MROH2A: variants seen among roughly 807,000 people sequenced by gnomAD.
The protein encoded by MROH2A is maestro heat like repeat family member 2A.
Under a neutral mutation model 200.4 loss-of-function variants are expected in MROH2A, and 174 were observed. That is an observed-to-expected ratio of 0.87 (90% CI 0.77 to 0.98). The LOEUF (loss-of-function observed/expected upper bound fraction) is 0.98. MROH2A is among the 50% of genes least tolerant of loss of function. MROH2A has a pLI of 0.00. For missense variants in MROH2A, 2,045 were observed against 2,139.6 expected (o/e 0.96, Z 0.87); for synonymous variants, 829 against 840.4 (o/e 0.99, Z 0.23).
At chr2:233,782,852 T>C (rs1014535894) in intron 3 of MROH2A, among the ~76,000 whole-genome samples, 2 of 152,250 alleles carry the variant, frequency 1.3e-5, no homozygotes, top group Admixed American at 6.5e-5. Context: ...TGTGGGTTTG[T>C]CATATATGGC....
chr2:233,824,335 A>C (rs1704161827), intron 35 of MROH2A, among the ~76,000 whole-genome samples: 1 of 152,252 alleles, frequency 6.6e-6, no homozygotes, highest in Non-Finnish European at 1.5e-5. Context: ...AAATGGGAAA[A>C]TGAGTTTTGG....
At chr2:233,810,459 A>G (rs903078581) in intron 22 of MROH2A, among the ~76,000 whole-genome samples, 3 of 152,244 alleles carry the variant, frequency 2.0e-5, no homozygotes, top group Admixed American at 6.5e-5. Flanking sequence ...CCATGATTCA[A>G]TTACCACCCG....
At chr2:233,814,754 G>T (rs1703402173) in intron 26 of MROH2A, 77 bp downstream of exon 26, 2 of 942,318 alleles carry the variant, frequency 2.1e-6, no homozygotes, top group Non-Finnish European at 3.2e-6. Context: ...CAGACTCTGG[G>T]GAACAGGGGA....
rs989132404 is a variant in MROH2A at position 233,820,251 on chromosome 2, T to C, written c.3512+195T>C. Among the ~76,000 whole-genome samples the C allele has an allele frequency of 6.6e-6, 1 of 152,154 alleles. No individual in the cohort carries two copies. The highest frequency in any genetic ancestry group is 1.5e-5 in the Non-Finnish European group (1 of 68,038). ...GAGCCACTGACAGAGCCCAGGCTTG[T>C]AGAACTTCGCCACATGGAGCTGGAA... On this transcript the variant is annotated intron_variant, in intron 31 of 41. Transcript: ENST00000389758. The surrounding 1 kb of genome is among the most constrained non-coding windows in gnomAD (Gnocchi z 4.1).
chr2:233,829,665 C>T lies in MROH2A; in HGVS notation c.4492C>T (p.Leu1498=). 1 of 1,486,474 alleles carries T rather than the reference C, an allele frequency of 6.7e-7. No individual in the cohort carries two copies. The highest frequency in any genetic ancestry group is 9.0e-7 in the Non-Finnish European group (1 of 1,115,868). The allele number at this position is 1,486,474 out of a possible 1,614,324, so 92.1% of individuals were successfully genotyped here. A position where few individuals can be genotyped will look rare whatever the true frequency, so the allele number is the denominator to read the frequency against. The change falls in exon 38 of 42, where the codon CTG becomes TTG. Residue 1498 remains leucine (L), a synonymous_variant. Transcript: ENST00000389758. Reference sequence around the variant, plus strand: ...GAAAGCCTTCATCCTCTTTGGAAAGCTGGCAAGGGTGGTCGGGATGTCCAA... The same window carrying T: ...GAAAGCCTTCATCCTCTTTGGAAAGTTGGCAAGGGTGGTCGGGATGTCCAA... The part of the protein sequence containing the change: ...RLKAFILFGK[L]ARVVGMSKKH...
chr2:233,795,838 G>T, intron 9 of MROH2A, 93 bp downstream of exon 9: 3 of 1,546,562 alleles, frequency 1.9e-6, no homozygotes, highest in Non-Finnish European at 1.7e-6. Flanking sequence ...CAACTCACTC[G>T]CGTGCTTCCT....
Position 233,832,168 on chromosome 2 carries a change from T to G in MROH2A, c.4735-9T>G. 1 of 1,550,180 alleles carries G rather than the reference T, an allele frequency of 6.5e-7. No individual in the cohort carries two copies. The stretch of plus-strand genomic sequence containing the variant: ...CTCCAAAGCTGTGTGTATCACTTAC[T>G]TTTTGCAGACTCGGAAAAAGCCGGC... On this transcript the variant is annotated splice_polypyrimidine_tract_variant and intron_variant, in intron 39 of 41. Coordinates refer to ENST00000389758, the MANE Select transcript of MROH2A (RefSeq NM_001394639.1).
chr2:233,822,304 C>T (rs992275448), intron 32 of MROH2A, 21 bp downstream of exon 32: 10 of 1,548,096 alleles, frequency 6.5e-6, no homozygotes, highest in African/African-American at 1.4e-5. Context: ...GGCGCAGGCC[C>T]CAAGGCTCCT....
intron 27 of MROH2A, 96 bp from the exon 28 acceptor site, chr2:233,817,906 T>C (rs1056431019): frequency 6.9e-7 from 1 of 1,441,928 alleles, no homozygotes; most frequent in Non-Finnish European, 9.4e-7. Context: ...CAGAGCAGGG[T>C]TTGCCCTATC....
At chr2:233,793,567 C>A in intron 6 of MROH2A, 106 bp from the exon 7 acceptor site, 1 of 1,131,782 alleles carries the variant, frequency 8.8e-7, no homozygotes, top group Non-Finnish European at 1.2e-6. Context: ...AGCCTGCTCG[C>A]TACGGCAAGG....
At chr2:233,798,368 G>A (rs1702248507) in intron 11 of MROH2A, among the ~76,000 whole-genome samples, 1 of 152,186 alleles carries the variant, frequency 6.6e-6, no homozygotes, top group Non-Finnish European at 1.5e-5. Context: ...CTGGGATGTG[G>A]TGGAGCCAGG....
chr2:233,790,961 T>C (rs1037723556), intron 5 of MROH2A, among the ~76,000 whole-genome samples: 13 of 152,174 alleles, frequency 8.5e-5, no homozygotes, highest in African/African-American at 3.1e-4. Context: ...GGTAGCGATA[T>C]TTCAGCTAAG....
chr2:233,805,392 T>C (rs989622079), intron 19 of MROH2A, among the ~76,000 whole-genome samples: 1 of 152,260 alleles, frequency 6.6e-6, no homozygotes, highest in Non-Finnish European at 1.5e-5. Flanking sequence ...CTAAAACATT[T>C]TTGAAAGAAA....
chr2:233,822,085 C>A (rs1242705365), intron 31 of MROH2A, 39 bp from the exon 32 acceptor site: 2 of 1,528,602 alleles, frequency 1.3e-6, no homozygotes, highest in Non-Finnish European at 1.8e-6. Flanking sequence ...AGGGCACATG[C>A]CAGGAAACTC....
intron 17 of MROH2A, 76 bp from the exon 18 acceptor site, chr2:233,804,419 T>G: frequency 6.7e-7 from 1 of 1,486,578 alleles, no homozygotes; most frequent in Non-Finnish European, 9.2e-7. Context: ...TAAGGAGGCA[T>G]AGAGGGCCTT....
chr2:233,821,829 C>T (rs966358374), intron 31 of MROH2A, among the ~76,000 whole-genome samples: 1 of 151,968 alleles, frequency 6.6e-6, no homozygotes, highest in African/African-American at 2.4e-5. Flanking sequence ...CATGTCCGTA[C>T]AGTCATCAAA....
Position 233,818,026 on chromosome 2 carries a change from G to A in MROH2A, c.2986G>A (p.Gly996Ser). ...GATCCACCTAAAGCTGGGGCAGTTT[G>A]GCACAATGGTCGGACTCATTGCCCC... ...VCIHLKLGQF[G>S]TMVGLIAPCT... is the part of the protein sequence containing the mutation. The change falls in exon 28 of 42, where the codon GGC becomes AGC. Residue 996 changes from glycine to serine, a missense_variant. Physicochemically the swap from Gly to Ser is moderately conservative, Grantham distance 56 (BLOSUM62 0). Coordinates refer to ENST00000389758, the MANE Select transcript of MROH2A (RefSeq NM_001394639.1). The A allele has an allele frequency of 6.4e-7, 1 of 1,550,978 alleles. No homozygotes were observed. Among genetic ancestry groups the A allele is most frequent in the Middle Eastern group, 1.7e-4 (1 of 5,996 alleles).
chr2:233,792,791 C>G lies in MROH2A; in HGVS notation c.572-5C>G. On this transcript the variant is annotated splice_region_variant and splice_polypyrimidine_tract_variant and intron_variant, in intron 5 of 41. Coordinates refer to ENST00000389758, the MANE Select transcript of MROH2A (RefSeq NM_001394639.1). Reference sequence around the variant, plus strand: ...TTCCTGTAATCATCCCTCACAACCTCACAGTGTTTGAGTTCATGCCATACA... The same window carrying G: ...TTCCTGTAATCATCCCTCACAACCTGACAGTGTTTGAGTTCATGCCATACA... 2 of 1,519,178 alleles carry G rather than the reference C, an allele frequency of 1.3e-6. No homozygotes were observed. Among genetic ancestry groups the G allele is most frequent in the South Asian group, 2.4e-5 (2 of 83,422 alleles). The allele number at this position is 1,519,178 out of a possible 1,614,324, so 94.1% of individuals were successfully genotyped here. A position where few individuals can be genotyped will look rare whatever the true frequency, so the allele number is the denominator to read the frequency against.
intron 34 of MROH2A, 46 bp downstream of exon 34, chr2:233,823,064 C>G: frequency 6.5e-7 from 1 of 1,544,220 alleles, no homozygotes; most frequent in Non-Finnish European, 8.7e-7. Context: ...TGCAGAGGCA[C>G]CTCCTTGCTG....
Sources: gnomAD v4.1 joint callset for allele counts (sites outside exome capture counted in the v4.1 genomes callset) on GRCh38, gnomAD v4.1.1 for gene constraint, Gnocchi (gnomAD v3.1) non-coding constraint, MANE v1.5 for transcripts, NCBI Gene and HGNC (gene_info 2026-07-23, HGNC 2026-07-21) for gene names.